Variants in HTR1F observed in about 807,000 individuals in gnomAD.
HTR1F encodes 5-hydroxytryptamine receptor 1F.
Under a neutral mutation model 24.0 loss-of-function variants are expected in HTR1F, and 17 were observed. The ratio of observed to expected loss-of-function variants is 0.71; its 90% CI spans 0.48 to 1.06. HTR1F has a LOEUF of 1.06. Ranked by LOEUF, HTR1F falls within the 50% of genes least tolerant of loss-of-function variation. HTR1F has a pLI of 0.00. For synonymous variants in HTR1F, 186 were observed against 156.8 expected (o/e 1.19, Z -1.39); for missense variants, 391 against 427.8 (o/e 0.91, Z 0.76).
chr3:87,920,406 A>C (rs1249387450), intron 2 of HTR1F, among the ~76,000 whole-genome samples: 2 of 152,012 alleles, frequency 1.3e-5, no homozygotes, highest in Non-Finnish European at 2.9e-5. Context: ...ATGGAAATAA[A>C]AAAACAAGCA....
intron 2 of HTR1F, among the ~76,000 whole-genome samples, chr3:87,930,074 G>C (rs1237077995): frequency 3.3e-5 from 5 of 151,968 alleles, no homozygotes; most frequent in Non-Finnish European, 7.4e-5. Flanking sequence ...TTTCTGATTT[G>C]GCTCTCAGCT....
At chr3:87,914,664 C>T (rs556597906) in intron 2 of HTR1F, among the ~76,000 whole-genome samples, 1 of 152,112 alleles carries the variant, frequency 6.6e-6, no homozygotes, top group African/African-American at 2.4e-5. Flanking sequence ...AACCTCACCC[C>T]CATCCTCCAC....
chr3:87,882,683 C>T (rs1705832439), intron 2 of HTR1F, among the ~76,000 whole-genome samples: 1 of 132,890 alleles, frequency 7.5e-6, no homozygotes, highest in Non-Finnish European at 1.5e-5. Context: ...GGAAGGGGAA[C>T]ATCACACTCT....
At chr3:87,903,922 G>A (rs1189804348) in intron 2 of HTR1F, among the ~76,000 whole-genome samples, 6 of 152,054 alleles carry the variant, frequency 3.9e-5, no homozygotes, top group Admixed American at 1.3e-4. Flanking sequence ...ATAACCAAAC[G>A]ATTATTTAAG....
chr3:87,877,315 C>A (rs1476058825), intron 2 of HTR1F, among the ~76,000 whole-genome samples: 3 of 152,056 alleles, frequency 2.0e-5, no homozygotes, highest in Non-Finnish European at 1.5e-5. Flanking sequence ...AGTTGTCTAG[C>A]CTGTGTCTGA....
chr3:87,985,622 A>G (rs1345493719), intron 2 of HTR1F, among the ~76,000 whole-genome samples: 1 of 152,224 alleles, frequency 6.6e-6, no homozygotes, highest in South Asian at 2.1e-4. Context: ...GCAGAAGTAA[A>G]CACTCAGAAA....
intron 2 of HTR1F, among the ~76,000 whole-genome samples, chr3:87,985,752 T>TC (rs1440271632): frequency 6.6e-6 from 1 of 152,192 alleles, no homozygotes; most frequent in African/African-American, 2.4e-5. Context: ...ATGACAACCA[T>TC]CCCAGGCTAT....
intron 1 of HTR1F, among the ~76,000 whole-genome samples, chr3:87,809,907 A>C (rs939402574): frequency 2.6e-5 from 4 of 152,134 alleles, no homozygotes; most frequent in African/African-American, 9.6e-5. Context: ...AATTTTTCTT[A>C]AAAGCAAAAT....
chr3:87,846,916 A>T lies in HTR1F; in HGVS notation c.-43+24792A>T, dbSNP rs187874152. Among the ~76,000 whole-genome samples, 212 of 152,018 alleles carry T rather than the reference A, an allele frequency of 1.4e-3. 2 individuals carry two copies. The highest frequency in any genetic ancestry group is 3.4e-4 in the Non-Finnish European group (23 of 68,016). On this transcript the variant is annotated intron_variant, in intron 2 of 2. Transcript: ENST00000319595. ...GTTGCTTTATGGTCAATTACCCTTA[A>T]TTAGCTTTAATTAAAATTAAAATAA...
In HTR1F at chr3:87,827,275, T is replaced by A. The variant is rs183358367; in HGVS notation, c.-43+5151T>A. ...CCCCGCAACCCCCAACAGGCCCTGG[T>A]ATGTGTTATTCCCCTCCCTGTGTCC... On this transcript the variant is annotated intron_variant, in intron 2 of 2. Coordinates refer to ENST00000319595, the MANE Select transcript of HTR1F (RefSeq NM_001322209.2). Among the ~76,000 whole-genome samples the A allele has an allele frequency of 4.6e-5, 7 of 152,128 alleles. No individual in the cohort carries two copies. In the East Asian group the frequency reaches 1.4e-3, roughly 29 times the overall value.
At chr3:87,966,489 C>T (rs150736448) in intron 2 of HTR1F, among the ~76,000 whole-genome samples, 2 of 152,228 alleles carry the variant, frequency 1.3e-5, no homozygotes, top group Non-Finnish European at 2.9e-5. Flanking sequence ...TTAAACTTCA[C>T]CTTTGATAGA....
chr3:87,924,258 T>A (rs1471397956), intron 2 of HTR1F, among the ~76,000 whole-genome samples: 1 of 152,124 alleles, frequency 6.6e-6, no homozygotes, highest in African/African-American at 2.4e-5. Context: ...TCATTTCAAC[T>A]AGGTTTACCA....
At chr3:87,884,764 A>G (rs1442472345) in intron 2 of HTR1F, among the ~76,000 whole-genome samples, 1 of 152,206 alleles carries the variant, frequency 6.6e-6, no homozygotes, top group African/African-American at 2.4e-5. Context: ...CCATTACATA[A>G]TGGTAAAGGG....
chr3:87,968,681 G>A (rs1234465873), intron 2 of HTR1F, among the ~76,000 whole-genome samples: 1 of 152,154 alleles, frequency 6.6e-6, no homozygotes, highest in South Asian at 2.1e-4. Flanking sequence ...CGGTAGGAAA[G>A]AAAAACCCAT....
chr3:87,924,492 A>G (rs1704080135), intron 2 of HTR1F, among the ~76,000 whole-genome samples: 1 of 151,988 alleles, frequency 6.6e-6, no homozygotes, highest in African/African-American at 2.4e-5. Context: ...ATGTGTTTTC[A>G]TGATGGTAGT....
rs1460248798 is a variant in HTR1F at position 87,993,003 on chromosome 3, A to G, written c.*1153A>G. On this transcript the variant is annotated 3_prime_UTR_variant, in exon 3 of 3. Coordinates refer to ENST00000319595, the MANE Select transcript of HTR1F (RefSeq NM_001322209.2). ...TAGTTCAGTGAGCCAAAGCAATTCC[A>G]TAAGTTTTTCTTCCATATTTATAAA... is the stretch of plus-strand genomic sequence containing the variant. 1.8e-5 allele frequency: 3 copies of G among 166,990 alleles called. No homozygotes were observed. The highest frequency in any genetic ancestry group is 6.5e-5 in the Admixed American group (1 of 15,278). The allele number at this position is 166,990 out of a possible 1,614,324, so 10.3% of individuals were successfully genotyped here.
chr3:87,901,087 T>C (rs1253864768), intron 2 of HTR1F, among the ~76,000 whole-genome samples: 20 of 152,160 alleles, frequency 1.3e-4, no homozygotes, highest in Non-Finnish European at 5.9e-5. Context: ...TTCGCAACAG[T>C]GCAATTATTT....
chr3:87,891,840 G>A (rs571580069), intron 2 of HTR1F, among the ~76,000 whole-genome samples: 4 of 152,140 alleles, frequency 2.6e-5, no homozygotes, highest in East Asian at 3.9e-4. Flanking sequence ...AATTATTTCC[G>A]TGAATTTTTC....
chr3:87,976,922 T>C (rs1376775845), intron 2 of HTR1F, among the ~76,000 whole-genome samples: 1 of 152,210 alleles, frequency 6.6e-6, no homozygotes, highest in African/African-American at 2.4e-5. Context: ...TGCTTATTAC[T>C]CAAGGAGAGG....
Sources: gnomAD v4.1 joint callset for allele counts (sites outside exome capture counted in the v4.1 genomes callset) on GRCh38, gnomAD v4.1.1 for gene constraint, MANE v1.5 for transcripts, NCBI Gene and HGNC (gene_info 2026-07-23, HGNC 2026-07-21) for gene names.